The following SMYD3 variants were observed in gnomAD, a reference collection of about 807,000 sequenced individuals.
SMYD3 encodes histone-lysine N-methyltransferase SMYD3.
In SMYD3, 36 loss-of-function variants were observed where a neutral mutation model predicts 57.7. The ratio of observed to expected loss-of-function variants is 0.62; its 90% CI spans 0.48 to 0.82. The LOEUF (loss-of-function observed/expected upper bound fraction) is 0.82. Ranked by LOEUF, SMYD3 falls within the 40% of genes least tolerant of loss-of-function variation. The pLI is 0.00. For missense variants in SMYD3, 515 were observed against 538.8 expected (o/e 0.96, Z 0.44); for synonymous variants, 211 against 195.0 (o/e 1.08, Z -0.68).
At position 245,920,141 on chromosome 1, in the gene SMYD3, G is replaced by A. The variant is rs562755909; in HGVS notation, c.703-4501C>T. Among the ~76,000 whole-genome samples the A allele has an allele frequency of 3.7e-4, 56 of 151,988 alleles. 1 individual carries two copies. The highest frequency in any genetic ancestry group is 3.1e-3 in the South Asian group (15 of 4,802). On this transcript the variant is annotated intron_variant, in intron 7 of 11. Transcript: ENST00000490107. ...ATCCTGGCTAACACGGTGAAACCCC[G>A]TCTCTACTAAAAATACAAAAAATTA...
chr1:245,763,312 G>C (rs971533269), intron 11 of SMYD3, among the ~76,000 whole-genome samples: 3 of 152,138 alleles, frequency 2.0e-5, no homozygotes, highest in African/African-American at 7.2e-5. Context: ...CACTCTCCTG[G>C]GGGCAGGGGT....
intron 10 of SMYD3, among the ~76,000 whole-genome samples, chr1:245,803,780 G>C (rs1264262807): frequency 6.6e-6 from 1 of 152,150 alleles, no homozygotes; most frequent in Non-Finnish European, 1.5e-5. Flanking sequence ...AATTTGATGT[G>C]CCTGATTTTG....
At chr1:246,400,838 A>G (rs76158305) in intron 1 of SMYD3, among the ~76,000 whole-genome samples, 3 of 151,878 alleles carry the variant, frequency 2.0e-5, no homozygotes, top group Admixed American at 1.3e-4. Context: ...TAAAAAAAAA[A>G]CCACTATGAA....
intron 7 of SMYD3, among the ~76,000 whole-genome samples, chr1:245,917,669 A>G (rs1440186564): frequency 6.6e-6 from 1 of 152,222 alleles, no homozygotes; most frequent in Non-Finnish European, 1.5e-5. Flanking sequence ...TATTAAGAGT[A>G]ACAACCCAAT....
intron 2 of SMYD3, among the ~76,000 whole-genome samples, chr1:246,339,709 A>C (rs1002023159): frequency 3.9e-5 from 6 of 152,202 alleles, no homozygotes. Context: ...TGGAAACGTA[A>C]TCCCCAGTGC....
chr1:245,963,229 C>T (rs769227887), intron 5 of SMYD3, among the ~76,000 whole-genome samples: 50 of 152,236 alleles, frequency 3.3e-4, no homozygotes, highest in Admixed American at 1.0e-3. Context: ...ACTCACAATA[C>T]CACTTTGCAT....
At chr1:245,877,964 G>A (rs2052575443) in intron 8 of SMYD3, among the ~76,000 whole-genome samples, 1 of 152,128 alleles carries the variant, frequency 6.6e-6, no homozygotes, top group Non-Finnish European at 1.5e-5. Context: ...GAATCTCAGG[G>A]GCAAAGCGGA....
At chr1:246,205,776 G>A (rs977028113) in intron 5 of SMYD3, among the ~76,000 whole-genome samples, 17 of 152,120 alleles carry the variant, frequency 1.1e-4, no homozygotes, top group Non-Finnish European at 1.2e-4. Context: ...CTGAGATCGT[G>A]CCACTGCACT....
chr1:246,002,252 T>C (rs2059067967), intron 5 of SMYD3, among the ~76,000 whole-genome samples: 2 of 141,052 alleles, frequency 1.4e-5, no homozygotes, highest in East Asian at 2.1e-4. Context: ...TGGCGCGATC[T>C]CGGCTCACTG....
At chr1:246,061,638 G>A (rs2060253839) in intron 5 of SMYD3, among the ~76,000 whole-genome samples, 1 of 152,256 alleles carries the variant, frequency 6.6e-6, no homozygotes, top group East Asian at 1.9e-4. Flanking sequence ...GCTGAACTGG[G>A]AGGATCGCTT....
In SMYD3 at chr1:246,405,598, C is replaced by G. The variant is rs147557156; in HGVS notation, c.165-50504G>C. On this transcript the variant is annotated intron_variant, in intron 1 of 11. Coordinates refer to ENST00000490107, the MANE Select transcript of SMYD3 (RefSeq NM_001167740.2). ...TTTATTTTATTTCATTGTTTACTGT[C>G]GCACAGCGATTAAAAGAATGGACTC... is the stretch of plus-strand genomic sequence containing the variant. Among the ~76,000 whole-genome samples, 591 of 152,146 alleles carry G rather than the reference C, an allele frequency of 3.9e-3. 7 individuals are homozygous for G. The highest frequency in any genetic ancestry group is 0.013 in the African/African-American group (521 of 41,522).
intron 5 of SMYD3, among the ~76,000 whole-genome samples, chr1:246,249,836 A>C (rs1263051081): frequency 6.6e-6 from 1 of 152,216 alleles, no homozygotes; most frequent in African/African-American, 2.4e-5. Context: ...ATGTTCTCCA[A>C]ACTCAAAAGT....
At chr1:245,946,005 C>T (rs573603696) in intron 5 of SMYD3, among the ~76,000 whole-genome samples, 122 of 152,180 alleles carry the variant, frequency 8.0e-4, no homozygotes, top group South Asian at 4.2e-4. Context: ...AGCTAATGCA[C>T]GCTGGGATTA....
At chr1:245,825,795 T>G (rs892323860) in intron 10 of SMYD3, among the ~76,000 whole-genome samples, 2 of 151,732 alleles carry the variant, frequency 1.3e-5, no homozygotes, top group African/African-American at 2.4e-5. Flanking sequence ...AGACAGATAC[T>G]AATTATTCCT....
At chr1:246,172,486 T>A (rs10802342) in intron 5 of SMYD3, among the ~76,000 whole-genome samples, 2 of 116,582 alleles carry the variant, frequency 1.7e-5, no homozygotes, top group Non-Finnish European at 3.6e-5. Flanking sequence ...CCACACTGTA[T>A]GCTTAGGCTA....
intron 2 of SMYD3, among the ~76,000 whole-genome samples, chr1:246,348,077 T>TATATATATACATAC: frequency 1.2e-5 from 1 of 86,488 alleles, no homozygotes; most frequent in South Asian, 3.2e-4. Context: ...TATATATATA[T>TATATATATACATAC]ACACACACAC....
intron 8 of SMYD3, among the ~76,000 whole-genome samples, chr1:245,905,755 G>A (rs1044645091): frequency 2.0e-5 from 3 of 152,192 alleles, no homozygotes; most frequent in Non-Finnish European, 4.4e-5. Context: ...AGCAGGTCTT[G>A]GGCGAGACCC....
At chr1:245,970,841 T>C (rs1003625006) in intron 5 of SMYD3, among the ~76,000 whole-genome samples, 1 of 152,214 alleles carries the variant, frequency 6.6e-6, no homozygotes, top group Non-Finnish European at 1.5e-5. Context: ...ACTTTTACAC[T>C]ACTGGTGGGA....
chr1:246,296,815 G>A (rs868552520), intron 5 of SMYD3, among the ~76,000 whole-genome samples: 3 of 152,092 alleles, frequency 2.0e-5, no homozygotes, highest in African/African-American at 7.2e-5. Context: ...CTATTTAAGT[G>A]ATTAATGAAT....
Sources: gnomAD v4.1 joint callset for allele counts (sites outside exome capture counted in the v4.1 genomes callset) on GRCh38, gnomAD v4.1.1 for gene constraint, MANE v1.5 for transcripts, NCBI Gene and HGNC (gene_info 2026-07-23, HGNC 2026-07-21) for gene names.